LY96: variants seen among roughly 807,000 people sequenced by gnomAD.
The protein encoded by LY96 is myeloid differentiation protein-2.
LY96 carries 18 observed loss-of-function variants against 18.9 expected under a neutral mutation model. The ratio of observed to expected loss-of-function variants is 0.95; its 90% CI spans 0.66 to 1.41. LY96 has a LOEUF of 1.41. LY96 is among the 40% of genes most tolerant of loss of function. The probability of loss-of-function intolerance (pLI) is 0.00; values close to 1 mark genes in which losing one functional copy is unlikely to be tolerated. For synonymous variants in LY96, 66 were observed against 62.6 expected (o/e 1.06, Z -0.26); for missense variants, 175 against 182.4 (o/e 0.96, Z 0.23).
At chr8:74,088,711 A>G in the LY96 span, among the ~76,000 whole-genome samples, 2 of 152,000 alleles carry the variant, frequency 1.3e-5, no homozygotes, top group African/African-American at 2.4e-5. Flanking sequence ...TCAGCCTCCC[A>G]AGTAGCTGGG....
downstream of LY96, among the ~76,000 whole-genome samples, chr8:74,029,666 A>G (rs915679234): frequency 6.6e-6 from 1 of 151,680 alleles, no homozygotes; most frequent in Non-Finnish European, 1.5e-5. Flanking sequence ...CCTTTATTTT[A>G]TTTATTGTTT....
intron 2 of LY96, among the ~76,000 whole-genome samples, chr8:74,005,517 A>G (rs1816392440): frequency 1.3e-5 from 2 of 152,222 alleles, no homozygotes; most frequent in Admixed American, 6.5e-5. Flanking sequence ...ATCATTAGCT[A>G]TAAGTAATAT....
chr8:74,002,097 C>T (rs778144514), intron 1 of LY96, among the ~76,000 whole-genome samples: 735 of 11,698 alleles, frequency 0.063, 58 homozygotes, highest in Middle Eastern at 0.25. Flanking sequence ...CTTTCTTTCT[C>T]TCTCTCTCTC....
At chr8:74,039,318 C>T in the LY96 span, among the ~76,000 whole-genome samples, 1 of 152,076 alleles carries the variant, frequency 6.6e-6, no homozygotes, top group Non-Finnish European at 1.5e-5. Flanking sequence ...TGGGTTGTCT[C>T]TTCATTTTGT....
chr8:74,059,344 C>G, the LY96 span, among the ~76,000 whole-genome samples: 7 of 152,166 alleles, frequency 4.6e-5, no homozygotes, highest in Admixed American at 3.3e-4. Flanking sequence ...TAATAAAAAT[C>G]CCAACATTAT....
At chr8:74,022,831 G>A (rs535324810) in intron 3 of LY96, among the ~76,000 whole-genome samples, 3 of 152,054 alleles carry the variant, frequency 2.0e-5, no homozygotes, top group South Asian at 2.1e-4. Context: ...AGCCCACCTC[G>A]GCCTCCCAAA....
the LY96 span, among the ~76,000 whole-genome samples, chr8:74,068,769 A>G: frequency 6.6e-6 from 1 of 152,148 alleles, no homozygotes; most frequent in South Asian, 2.1e-4. Flanking sequence ...TTTTGCCTTT[A>G]AAAAATTGTT....
At chr8:74,016,318 C>T (rs547957012) in intron 3 of LY96, among the ~76,000 whole-genome samples, 14 of 152,320 alleles carry the variant, frequency 9.2e-5, no homozygotes, top group East Asian at 7.7e-4. Flanking sequence ...GAGGGGCGTC[C>T]GCCATTGCTG....
At chr8:74,057,658 T>G in the LY96 span, among the ~76,000 whole-genome samples, 13 of 152,218 alleles carry the variant, frequency 8.5e-5, no homozygotes, top group African/African-American at 3.1e-4. Flanking sequence ...GGGCATATCT[T>G]CACACTCCCA....
chr8:74,073,665 A>ATTTC, the LY96 span, among the ~76,000 whole-genome samples: 1 of 151,348 alleles, frequency 6.6e-6, no homozygotes, highest in Non-Finnish European at 1.5e-5. Context: ...TTATTTATTT[A>ATTTC]TTTATTTATT....
In LY96 at chr8:74,003,582, T is replaced by C. The variant is rs116585932; in HGVS notation, c.113-1214T>C. ...GGCTTCTCACGACCTTCGCTGTACTTCTTAGGTAAAACAGAATACTTGAAG... is the reference window on the plus strand; with the variant it reads ...GGCTTCTCACGACCTTCGCTGTACTCCTTAGGTAAAACAGAATACTTGAAG... On this transcript the variant is annotated intron_variant, in intron 1 of 4. Coordinates refer to ENST00000284818, the MANE Select transcript of LY96 (RefSeq NM_015364.5). Among the ~76,000 whole-genome samples the C allele has an allele frequency of 2.8e-3, 421 of 152,302 alleles. 2 individuals carry two copies. The highest frequency in any genetic ancestry group is 9.4e-3 in the African/African-American group (390 of 41,560).
intron 4 of LY96, among the ~76,000 whole-genome samples, chr8:74,027,177 C>A (rs1156389124): frequency 1.3e-5 from 2 of 151,488 alleles, no homozygotes; most frequent in African/African-American, 4.8e-5. Context: ...TGAGCTCAAG[C>A]GATCCACTCC....
the LY96 span, among the ~76,000 whole-genome samples, chr8:74,090,155 T>C: frequency 6.6e-6 from 1 of 152,162 alleles, no homozygotes; most frequent in Admixed American, 6.5e-5. Context: ...TGAAAGCAGG[T>C]TGACCAGTAA....
At chr8:73,992,527 TTG>T (rs911195098) in intron 1 of LY96, among the ~76,000 whole-genome samples, 2 of 152,170 alleles carry the variant, frequency 1.3e-5, no homozygotes, top group Admixed American at 6.5e-5. Flanking sequence ...GTTTGTTTGT[TTG>T]TGTTTTAGTC....
At chr8:74,068,996 C>T in the LY96 span, among the ~76,000 whole-genome samples, 2 of 152,078 alleles carry the variant, frequency 1.3e-5, no homozygotes, top group African/African-American at 2.4e-5. Context: ...GGTTTCACCA[C>T]GTTGGTCTCA....
chr8:74,073,528 T>C, the LY96 span, among the ~76,000 whole-genome samples: 1 of 152,194 alleles, frequency 6.6e-6, no homozygotes, highest in South Asian at 2.1e-4. Flanking sequence ...TTTTCATTTC[T>C]ATAATCAGAC....
the LY96 span, among the ~76,000 whole-genome samples, chr8:74,034,881 G>C: frequency 0.016 from 2,456 of 152,198 alleles, 69 homozygotes; most frequent in African/African-American, 0.057. Flanking sequence ...TCAAGGATGG[G>C]TACAAAGATG....
downstream of LY96, among the ~76,000 whole-genome samples, chr8:74,030,073 A>T (rs1455468581): frequency 6.6e-6 from 1 of 152,172 alleles, no homozygotes; most frequent in South Asian, 2.1e-4. Context: ...GTAAGTAGAG[A>T]GTTTATTTGG....
the LY96 span, among the ~76,000 whole-genome samples, chr8:74,098,216 T>G: frequency 6.6e-6 from 1 of 152,162 alleles, no homozygotes; most frequent in African/African-American, 2.4e-5. Flanking sequence ...AATTCACACT[T>G]TACTGAGCAG....
Sources: gnomAD v4.1 joint callset for allele counts (sites outside exome capture counted in the v4.1 genomes callset) on GRCh38, gnomAD v4.1.1 for gene constraint, MANE v1.5 for transcripts, NCBI Gene and HGNC (gene_info 2026-07-23, HGNC 2026-07-21) for gene names.